The following DOCK3 variants were observed in gnomAD, a reference collection of about 807,000 sequenced individuals.
The protein encoded by DOCK3 is dedicator of cytokinesis 3, also known as dedicator of cytokinesis protein 3.
Under a neutral mutation model 265.6 loss-of-function variants are expected in DOCK3, and 60 were observed. The observed-to-expected ratio is 0.23, with a 90% CI of 0.18 to 0.28. The LOEUF (loss-of-function observed/expected upper bound fraction) is 0.28, where lower values mean the gene tolerates loss of function less well. DOCK3 is among the 10% of genes least tolerant of loss of function. The pLI is 1.00. For synonymous variants in DOCK3, 881 were observed against 938.0 expected (o/e 0.94, Z 1.11); for missense variants, 1,981 against 2,594.3 (o/e 0.76, Z 5.14).
Position 51,381,737 on chromosome 3 carries a change from C to A in DOCK3, c.*178C>A. 2.7e-6 allele frequency: 2 copies of A among 744,768 alleles called. No homozygotes were observed. The highest frequency in any genetic ancestry group is 5.9e-5 in the South Asian group (2 of 33,712). 46.1% of individuals were successfully genotyped at this position (744,768 alleles called of 1,614,324 possible). A position where few individuals can be genotyped will look rare whatever the true frequency, so the allele number is the denominator to read the frequency against. On this transcript the variant is annotated 3_prime_UTR_variant, in exon 53 of 53. Transcript: ENST00000266037. The surrounding 1 kb of genome is among the most constrained non-coding windows in gnomAD (Gnocchi z 5.6). ...ACTCATGTGTTGCCATGTACAGAGG[C>A]CACAGCAGCATGAAGGGTTGTGGCT... is the stretch of plus-strand genomic sequence containing the variant.
intron 1 of DOCK3, among the ~76,000 whole-genome samples, chr3:50,775,480 T>C (rs2041533575): frequency 6.6e-6 from 1 of 152,222 alleles, no homozygotes; most frequent in South Asian, 2.1e-4. Flanking sequence ...TTTTCTTTTT[T>C]CCTAATTAGT....
At chr3:50,819,823 G>A (rs565011345) in intron 2 of DOCK3, among the ~76,000 whole-genome samples, 1 of 152,248 alleles carries the variant, frequency 6.6e-6, no homozygotes, top group East Asian at 1.9e-4. Flanking sequence ...TTAGCCAGGC[G>A]TGGTGGTGCA....
chr3:50,812,566 C>T (rs2043824110), intron 2 of DOCK3, among the ~76,000 whole-genome samples: 1 of 152,160 alleles, frequency 6.6e-6, no homozygotes, highest in Non-Finnish European at 1.5e-5. Context: ...GGTATAAGTT[C>T]CAGTCCAAGC....
chr3:51,165,771 A>T (rs2107580383), intron 12 of DOCK3, among the ~76,000 whole-genome samples: 1 of 152,280 alleles, frequency 6.6e-6, no homozygotes. Context: ...CAAAAGCAGG[A>T]TTCCCTTTTT....
At chr3:50,861,964 T>C (rs2046936892) in intron 3 of DOCK3, among the ~76,000 whole-genome samples, 1 of 152,136 alleles carries the variant, frequency 6.6e-6, no homozygotes, top group South Asian at 2.1e-4. Flanking sequence ...GTCCTTGTGA[T>C]AGTATTGTCA....
At chr3:50,784,982 C>T (rs376592831) in intron 2 of DOCK3, among the ~76,000 whole-genome samples, 17 of 152,230 alleles carry the variant, frequency 1.1e-4, no homozygotes, top group South Asian at 4.1e-4. Flanking sequence ...CATGGTGAAA[C>T]GCTGTCTCTA....
Position 51,362,585 on chromosome 3 carries a change from C to T in DOCK3, c.5204C>T (p.Ser1735Leu), listed in dbSNP as rs763087087. The change falls in exon 49 of 53, where the codon TCG becomes TTG. Residue 1735 changes from serine to leucine, a missense_variant. Ser to Leu is a moderately radical substitution (Grantham distance 145, BLOSUM62 -2). Coordinates refer to ENST00000266037, the MANE Select transcript of DOCK3 (RefSeq NM_004947.5). ...GTCACCAACGTCTCTGTTCTGTCCTCGTCCCAGGCAAGCCCTTCTTCCTCC... is the reference window on the plus strand; with the variant it reads ...GTCACCAACGTCTCTGTTCTGTCCTTGTCCCAGGCAAGCCCTTCTTCCTCC... ...GSVTNVSVLS[S>L]SQASPSSSSL... 3.2e-5 allele frequency: 51 copies of T among 1,614,018 alleles called. No homozygotes were observed. The highest frequency in any genetic ancestry group is 4.2e-5 in the Non-Finnish European group (50 of 1,179,884).
intron 4 of DOCK3, among the ~76,000 whole-genome samples, chr3:50,903,014 T>C (rs1377580081): frequency 1.3e-5 from 2 of 152,188 alleles, no homozygotes; most frequent in African/African-American, 4.8e-5. Flanking sequence ...ATTTTTGCAC[T>C]ATTGACTTTA....
chr3:51,351,395 G>A (rs764736113), intron 40 of DOCK3, among the ~76,000 whole-genome samples: 23 of 152,286 alleles, frequency 1.5e-4, no homozygotes, highest in African/African-American at 4.8e-4. Flanking sequence ...AAGGTCAACC[G>A]GGCTTAATAG....
At chr3:50,698,880 C>T (rs1422516318) in intron 1 of DOCK3, among the ~76,000 whole-genome samples, 2 of 151,964 alleles carry the variant, frequency 1.3e-5, no homozygotes, top group East Asian at 1.9e-4. Flanking sequence ...GTTAGGGGTT[C>T]TCTATATATT....
At chr3:51,292,074 TATAGAAAG>T (rs1027069462) in intron 27 of DOCK3, among the ~76,000 whole-genome samples, 15 of 47,450 alleles carry the variant, frequency 3.2e-4, no homozygotes, top group Admixed American at 1.8e-3. Flanking sequence ...ACAAATTACA[TATAGAAAG>T]AATGTTCTTC....
chr3:50,977,990 T>A (rs1355639354), intron 5 of DOCK3, among the ~76,000 whole-genome samples: 3 of 152,176 alleles, frequency 2.0e-5, no homozygotes, highest in Admixed American at 6.5e-5. Flanking sequence ...GGTTTTCAGC[T>A]CCATCAGCTC....
At chr3:51,356,839 G>A in intron 43 of DOCK3, 123 bp from the exon 44 acceptor site, 2 of 1,177,130 alleles carry the variant, frequency 1.7e-6, no homozygotes, top group Non-Finnish European at 2.4e-6. Context: ...GGTCCAGGGA[G>A]TCTCAAGTTC....
chr3:50,837,043 C>G (rs1327145020), intron 2 of DOCK3, among the ~76,000 whole-genome samples: 3 of 152,182 alleles, frequency 2.0e-5, no homozygotes, highest in African/African-American at 7.2e-5. Flanking sequence ...GCATTTTGGT[C>G]AAAATCATTT....
chr3:51,123,162 C>T (rs964775491), intron 9 of DOCK3, among the ~76,000 whole-genome samples: 2 of 152,112 alleles, frequency 1.3e-5, no homozygotes, highest in Non-Finnish European at 2.9e-5. Flanking sequence ...GAGGATAATT[C>T]AGCCTACCCA....
chr3:51,287,671 C>G (rs1161241096), intron 27 of DOCK3, among the ~76,000 whole-genome samples: 9 of 152,164 alleles, frequency 5.9e-5, no homozygotes, highest in Non-Finnish European at 1.5e-5. Flanking sequence ...AGAGGGAACA[C>G]TTATACACTG....
At chr3:50,721,403 A>G (rs1200486478) in intron 1 of DOCK3, among the ~76,000 whole-genome samples, 1 of 152,220 alleles carries the variant, frequency 6.6e-6, no homozygotes, top group African/African-American at 2.4e-5. Flanking sequence ...AGTCATCTGC[A>G]TATGGCTACC....
At chr3:51,027,277 C>T (rs1009616602) in intron 5 of DOCK3, among the ~76,000 whole-genome samples, 14 of 151,626 alleles carry the variant, frequency 9.2e-5, no homozygotes, top group Non-Finnish European at 1.3e-4. Context: ...CTCTTGGTAT[C>T]GATTTCTAAT....
At chr3:50,677,061 C>G (rs1192691770) in intron 1 of DOCK3, among the ~76,000 whole-genome samples, 3 of 152,180 alleles carry the variant, frequency 2.0e-5, no homozygotes, top group East Asian at 3.8e-4. Context: ...GAAATTCTTG[C>G]ATTCCTAGGA....
Sources: allele counts gnomAD v4.1 joint callset (sites outside exome capture counted in the v4.1 genomes callset), GRCh38; gene constraint gnomAD v4.1.1; non-coding constraint Gnocchi (gnomAD v3.1); transcripts MANE v1.5; gene names NCBI Gene and HGNC (gene_info 2026-07-23, HGNC 2026-07-21).